Variants in RANBP2 observed in about 807,000 individuals in gnomAD.
RANBP2 encodes the protein RAN binding protein 2.
Under a neutral mutation model 303.6 loss-of-function variants are expected in RANBP2, and 57 were observed. That is an observed-to-expected ratio of 0.19 (90% CI 0.15 to 0.23). RANBP2 has a LOEUF of 0.23. Ranked by LOEUF, RANBP2 falls within the 10% of genes least tolerant of loss-of-function variation. RANBP2 has a pLI of 1.00. For missense variants in RANBP2, 3,138 were observed against 3,780.8 expected, an observed-to-expected ratio of 0.83 and a Z score of 4.46; for synonymous variants, 1,167 against 1,301.5, an observed-to-expected ratio of 0.90 and a Z score of 2.23.
the RANBP2 span, among the ~76,000 whole-genome samples, chr2:109,304,513 AC>A: frequency 6.6e-6 from 1 of 151,842 alleles, no homozygotes; most frequent in African/African-American, 2.4e-5. Flanking sequence ...CCTCTCTCCA[AC>A]CCCAGGGTGT....
the RANBP2 span, among the ~76,000 whole-genome samples, chr2:109,644,881 A>G: frequency 6.6e-6 from 1 of 152,158 alleles, no homozygotes; most frequent in African/African-American, 2.4e-5. Context: ...CTGTCACTTT[A>G]AACAACCAGA....
chr2:109,585,843 AG>A, the RANBP2 span: 2 of 1,610,680 alleles, frequency 1.2e-6, no homozygotes, highest in Admixed American at 1.7e-5. Flanking sequence ...TCTTTTCTGA[AG>A]GAAAATAAAA....
the RANBP2 span, among the ~76,000 whole-genome samples, chr2:109,376,392 G>A: frequency 6.6e-6 from 1 of 152,216 alleles, no homozygotes; most frequent in Non-Finnish European, 1.5e-5. Flanking sequence ...ACTTGGGGGC[G>A]GGACACAGGC....
chr2:109,424,757 T>C, the RANBP2 span, among the ~76,000 whole-genome samples: 8 of 152,254 alleles, frequency 5.3e-5, no homozygotes, highest in East Asian at 1.4e-3. Flanking sequence ...GGACCCACCG[T>C]TTCCCCCATC....
chr2:109,028,813 C>G, the RANBP2 span, among the ~76,000 whole-genome samples: 1 of 152,224 alleles, frequency 6.6e-6, no homozygotes, highest in African/African-American at 2.4e-5. Flanking sequence ...AAGCCCCACT[C>G]CTGTCTTCCA....
At chr2:108,773,504 A>G (rs1677655539) in intron 23 of RANBP2, among the ~76,000 whole-genome samples, 1 of 152,238 alleles carries the variant, frequency 6.6e-6, no homozygotes, top group South Asian at 2.1e-4. Context: ...CAAAAGCTAC[A>G]AAACACTGAT....
At chr2:109,170,793 A>G in the RANBP2 span, among the ~76,000 whole-genome samples, 1 of 152,222 alleles carries the variant, frequency 6.6e-6, no homozygotes, top group African/African-American at 2.4e-5. Flanking sequence ...TCTCTCAGGA[A>G]GCTGACATCC....
At chr2:109,374,327 G>C in the RANBP2 span, among the ~76,000 whole-genome samples, 3 of 152,266 alleles carry the variant, frequency 2.0e-5, no homozygotes, top group Non-Finnish European at 2.9e-5. Context: ...GGCAGCCTCA[G>C]CTCTGATACA....
At chr2:108,971,065 G>A in the RANBP2 span, among the ~76,000 whole-genome samples, 1 of 152,068 alleles carries the variant, frequency 6.6e-6, no homozygotes. Flanking sequence ...CACAGGGTCC[G>A]GCGAGACCGT....
the RANBP2 span, among the ~76,000 whole-genome samples, chr2:108,828,337 A>C: frequency 6.6e-6 from 1 of 152,230 alleles, no homozygotes; most frequent in Non-Finnish European, 1.5e-5. Flanking sequence ...AAACTTTTAT[A>C]TGTCAAAGAA....
chr2:109,597,129 C>T, the RANBP2 span, among the ~76,000 whole-genome samples: 8 of 151,864 alleles, frequency 5.3e-5, no homozygotes, highest in African/African-American at 1.9e-4. Flanking sequence ...TTTGTAGAGA[C>T]GAGATCTCAC....
chr2:109,370,333 G>A, the RANBP2 span, among the ~76,000 whole-genome samples: 4 of 151,702 alleles, frequency 2.6e-5, no homozygotes, highest in African/African-American at 7.3e-5. Context: ...TCTGCCTCCC[G>A]GGTTCAAGCG....
chr2:109,717,027 C>T, the RANBP2 span, among the ~76,000 whole-genome samples: 1 of 152,044 alleles, frequency 6.6e-6, no homozygotes. Context: ...ATTTTATTTT[C>T]CTTTCACACT....
At chr2:109,250,105 T>TG in the RANBP2 span, among the ~76,000 whole-genome samples, 1 of 150,136 alleles carries the variant, frequency 6.7e-6, no homozygotes, top group South Asian at 2.1e-4. Context: ...TTTTTTTTTT[T>TG]GTCTAATTAG....
intron 7 of RANBP2, among the ~76,000 whole-genome samples, chr2:108,741,956 A>G (rs1307349959): frequency 6.6e-6 from 1 of 151,854 alleles, no homozygotes; most frequent in African/African-American, 2.4e-5. Context: ...AGGGAAAAAA[A>G]GGATTCATTA....
At chr2:109,371,573 C>A in the RANBP2 span, 43 of 1,612,786 alleles carry the variant, frequency 2.7e-5, no homozygotes, top group South Asian at 2.3e-4. Context: ...CCACGGTGGA[C>A]CCGGAACTGC....
the RANBP2 span, among the ~76,000 whole-genome samples, chr2:108,818,851 A>G: frequency 7.9e-5 from 12 of 151,676 alleles, no homozygotes; most frequent in Non-Finnish European, 1.5e-5. Flanking sequence ...GATCACAGTT[A>G]TAATTTACTT....
chr2:108,947,782 G>A, the RANBP2 span, among the ~76,000 whole-genome samples: 2 of 152,194 alleles, frequency 1.3e-5, no homozygotes, highest in Admixed American at 6.5e-5. Context: ...GTCTGTGGTG[G>A]GAGAGGCTGG....
chr2:109,548,141 G>A, the RANBP2 span, among the ~76,000 whole-genome samples: 1 of 138,860 alleles, frequency 7.2e-6, no homozygotes, highest in South Asian at 2.4e-4. Context: ...GGTCCAAGGA[G>A]AATGTAGGTG....
Sources: allele counts gnomAD v4.1 joint callset (sites outside exome capture counted in the v4.1 genomes callset), GRCh38; gene constraint gnomAD v4.1.1; transcripts MANE v1.5; gene names NCBI Gene and HGNC (gene_info 2026-07-23, HGNC 2026-07-21).